Variants in PPARG observed in about 807,000 individuals in gnomAD.
PPARG encodes peroxisome proliferator-activated receptor gamma.
PPARG carries 17 observed loss-of-function variants against 39.2 expected under a neutral mutation model. The observed-to-expected ratio is 0.43, with a 90% confidence interval of 0.30 to 0.65. The LOEUF is 0.65. Among genes scored for constraint, PPARG ranks in the 30% least tolerant of loss-of-function variants. PPARG has a pLI of 0.13. For missense variants in PPARG, 406 were observed against 585.9 expected (o/e 0.69, Z 3.17); for synonymous variants, 223 against 215.7 (o/e 1.03, Z -0.30).
chr3:12,377,661 C>A (rs2049466519), intron 2 of PPARG, among the ~76,000 whole-genome samples: 2 of 152,096 alleles, frequency 1.3e-5, no homozygotes, highest in Non-Finnish European at 2.9e-5. Context: ...GCAAAAATTT[C>A]ATCCTAAAGA....
intron 6 of PPARG, among the ~76,000 whole-genome samples, chr3:12,407,968 A>C (rs1399139675): frequency 1.3e-5 from 2 of 152,208 alleles, no homozygotes; most frequent in Non-Finnish European, 1.5e-5. Context: ...TTTATTTTAG[A>C]GATGAGGAAA....
chr3:12,386,713 CT>C (rs1329955166), intron 4 of PPARG, among the ~76,000 whole-genome samples: 4 of 151,976 alleles, frequency 2.6e-5, no homozygotes, highest in Non-Finnish European at 4.4e-5. Context: ...TTGAGGTTAT[CT>C]TTTCTTTTTT....
chr3:12,304,109 A>G (rs1176421614), intron 1 of PPARG, among the ~76,000 whole-genome samples: 1 of 152,172 alleles, frequency 6.6e-6, no homozygotes, highest in African/African-American at 2.4e-5. Flanking sequence ...ATTTATAGTA[A>G]GTTCCTCTTT....
intron 7 of PPARG, among the ~76,000 whole-genome samples, chr3:12,429,681 G>A (rs772198848): frequency 2.0e-4 from 30 of 152,036 alleles, no homozygotes; most frequent in South Asian, 4.1e-4. Context: ...GGCCTCTCTC[G>A]GCACCTGTCT....
chr3:12,388,901 G>T (rs574859836), intron 4 of PPARG, among the ~76,000 whole-genome samples: 2 of 152,260 alleles, frequency 1.3e-5, no homozygotes, highest in South Asian at 4.1e-4. Context: ...AAATTCAGTG[G>T]AAGGGTTAGA....
chr3:12,386,520 CTT>C (rs78118200), intron 4 of PPARG, among the ~76,000 whole-genome samples: 15 of 143,514 alleles, frequency 1.0e-4, no homozygotes, highest in Non-Finnish European at 7.7e-5. Context: ...ACTTAATTCT[CTT>C]TTTTTTTTTT....
chr3:12,351,680 G>T (rs1321511241), intron 2 of PPARG: 1 of 1,598,096 alleles, frequency 6.3e-7, no homozygotes. Context: ...ACAAGGTAAA[G>T]TTCCTTCCAG....
At chr3:12,400,579 A>C (rs973856519) in intron 5 of PPARG, among the ~76,000 whole-genome samples, 3 of 152,228 alleles carry the variant, frequency 2.0e-5, no homozygotes, top group Admixed American at 6.5e-5. Context: ...AAGATACCAG[A>C]TTTCTCTGTA....
chr3:12,382,403 T>G (rs572404809), intron 4 of PPARG, among the ~76,000 whole-genome samples: 1 of 152,166 alleles, frequency 6.6e-6, no homozygotes, highest in Non-Finnish European at 1.5e-5. Flanking sequence ...AATGCAAAAA[T>G]AGTACTAATT....
At chr3:12,416,308 G>A (rs2051053504) in intron 6 of PPARG, among the ~76,000 whole-genome samples, 1 of 152,256 alleles carries the variant, frequency 6.6e-6, no homozygotes, top group Non-Finnish European at 1.5e-5. Flanking sequence ...GAACCTGGGA[G>A]GTGGAGGTTG....
chr3:12,302,671 G>A (rs1407847412), intron 1 of PPARG, among the ~76,000 whole-genome samples: 1 of 152,242 alleles, frequency 6.6e-6, no homozygotes, highest in Non-Finnish European at 1.5e-5. Flanking sequence ...GTGCGTGGAT[G>A]TGAGTAGTGA....
At chr3:12,423,000 C>A (rs781581598) in intron 7 of PPARG, among the ~76,000 whole-genome samples, 2 of 152,146 alleles carry the variant, frequency 1.3e-5, no homozygotes, top group Non-Finnish European at 2.9e-5. Context: ...AAAATTAACA[C>A]CCTAGGTTTT....
chr3:12,382,429 G>A (rs1458073967), intron 4 of PPARG, among the ~76,000 whole-genome samples: 1 of 152,046 alleles, frequency 6.6e-6, no homozygotes, highest in African/African-American at 2.4e-5. Flanking sequence ...TATACGCATT[G>A]CACAGAATAA....
intron 2 of PPARG, among the ~76,000 whole-genome samples, chr3:12,376,487 T>C (rs567278135): frequency 6.6e-6 from 1 of 152,278 alleles, no homozygotes; most frequent in South Asian, 2.1e-4. Context: ...CCCTCCTCCA[T>C]AAGCCTGTTT....
At chr3:12,427,042 C>T (rs1381695550) in intron 7 of PPARG, among the ~76,000 whole-genome samples, 2 of 152,086 alleles carry the variant, frequency 1.3e-5, no homozygotes. Context: ...TTTAGTCTCC[C>T]CAGATAATTT....
intron 5 of PPARG, among the ~76,000 whole-genome samples, chr3:12,400,607 A>G (rs981165692): frequency 6.6e-6 from 1 of 152,232 alleles, no homozygotes; most frequent in Non-Finnish European, 1.5e-5. Flanking sequence ...AATTATTCCA[A>G]ATAGGAAACT....
intron 7 of PPARG, among the ~76,000 whole-genome samples, chr3:12,418,926 T>A (rs953229842): frequency 6.6e-6 from 1 of 152,078 alleles, no homozygotes; most frequent in Non-Finnish European, 1.5e-5. Context: ...TGGGTTTTTG[T>A]TGTTGTTGTT....
At chr3:12,302,363 G>C (rs531404782) in intron 1 of PPARG, among the ~76,000 whole-genome samples, 41 of 152,288 alleles carry the variant, frequency 2.7e-4, no homozygotes, top group Non-Finnish European at 5.3e-4. Flanking sequence ...AGAAAGGAAA[G>C]GGGGAGTGAC....
At chr3:12,319,968 C>A (rs2047491262) in intron 2 of PPARG, among the ~76,000 whole-genome samples, 1 of 152,036 alleles carries the variant, frequency 6.6e-6, no homozygotes, top group South Asian at 2.1e-4. Flanking sequence ...ATGAATAAAT[C>A]AAAATAGAAA....
Sources: gnomAD v4.1 joint callset for allele counts (sites outside exome capture counted in the v4.1 genomes callset) on GRCh38, gnomAD v4.1.1 for gene constraint, MANE v1.5 for transcripts, NCBI Gene and HGNC (gene_info 2026-07-23, HGNC 2026-07-21) for gene names.